TPTE2: variants seen among roughly 807,000 people sequenced by gnomAD.
TPTE2 encodes transmembrane phosphoinositide 3-phosphatase and tensin homolog 2.
Under a neutral mutation model 78.6 loss-of-function variants are expected in TPTE2, and 53 were observed. That is an observed-to-expected ratio of 0.67 (90% confidence interval 0.54 to 0.85). TPTE2 has a LOEUF of 0.85. Among genes scored for constraint, TPTE2 ranks in the 40% least tolerant of loss-of-function variants. The pLI is 0.00. For missense variants in TPTE2, 461 were observed against 623.0 expected, an observed-to-expected ratio of 0.74 and a Z score of 2.77; for synonymous variants, 175 against 206.2, an observed-to-expected ratio of 0.85 and a Z score of 1.30.
At chr13:19,460,812 C>T (rs978597392) in intron 10 of TPTE2, among the ~76,000 whole-genome samples, 28 of 152,194 alleles carry the variant, frequency 1.8e-4, no homozygotes, top group African/African-American at 6.5e-4. Context: ...AAACAATGAT[C>T]CTTTCAGCTG....
intron 1 of TPTE2, among the ~76,000 whole-genome samples, chr13:19,525,119 G>A (rs1870415390): frequency 6.6e-6 from 1 of 152,158 alleles, no homozygotes; most frequent in Admixed American, 6.5e-5. Flanking sequence ...GCTTAGGTGA[G>A]AGATGTTGAG....
At chr13:19,472,028 T>A (rs761264210) in intron 6 of TPTE2, among the ~76,000 whole-genome samples, 11 of 152,202 alleles carry the variant, frequency 7.2e-5, no homozygotes, top group Non-Finnish European at 1.2e-4. Flanking sequence ...TACTAAAGAG[T>A]CTGCTGCCAG....
At chr13:19,539,796 G>T (rs1319644272), upstream of TPTE2, among the ~76,000 whole-genome samples, 1 of 151,996 alleles carries the variant, frequency 6.6e-6, no homozygotes, top group African/African-American at 2.4e-5. Context: ...GGCTCTTCTT[G>T]GTTCTTTGTT....
At chr13:19,508,589 T>C (rs1036777848) in intron 1 of TPTE2, among the ~76,000 whole-genome samples, 14 of 152,048 alleles carry the variant, frequency 9.2e-5, no homozygotes, top group African/African-American at 3.1e-4. Flanking sequence ...TAATTTAGAG[T>C]TAGAAGGTTA....
the TPTE2 span, among the ~76,000 whole-genome samples, chr13:19,542,821 C>T: frequency 6.6e-6 from 1 of 152,020 alleles, no homozygotes; most frequent in African/African-American, 2.4e-5. Context: ...CGGTGAGACC[C>T]TGTCTCTACA....
At chr13:19,523,871 A>G (rs1458597437) in intron 1 of TPTE2, among the ~76,000 whole-genome samples, 2 of 152,234 alleles carry the variant, frequency 1.3e-5, no homozygotes, top group Non-Finnish European at 2.9e-5. Context: ...AACTAAAGTC[A>G]TCAGTCAACA....
At chr13:19,515,238 A>AT (rs1271036356) in intron 1 of TPTE2, among the ~76,000 whole-genome samples, 3 of 152,078 alleles carry the variant, frequency 2.0e-5, no homozygotes, top group East Asian at 1.9e-4. Context: ...GATCACATAC[A>AT]TTTTTTTGCT....
intron 4 of TPTE2, among the ~76,000 whole-genome samples, chr13:19,477,049 C>T (rs1230662483): frequency 3.9e-5 from 6 of 152,106 alleles, no homozygotes; most frequent in Admixed American, 3.9e-4. Context: ...AGAATGAGAT[C>T]ATGTATTTTG....
intron 1 of TPTE2, among the ~76,000 whole-genome samples, chr13:19,499,236 TCAA>T (rs1249950995): frequency 1.3e-5 from 2 of 152,026 alleles, no homozygotes; most frequent in Non-Finnish European, 2.9e-5. Context: ...ATTAGACAGA[TCAA>T]CGAGACAGAA....
At chr13:19,427,454 T>G (rs1250923136) in intron 17 of TPTE2, among the ~76,000 whole-genome samples, 1 of 152,162 alleles carries the variant, frequency 6.6e-6, no homozygotes, top group African/African-American at 2.4e-5. Context: ...ATCAATTAAA[T>G]ATTATTATTT....
intron 1 of TPTE2, among the ~76,000 whole-genome samples, chr13:19,525,730 A>G (rs1395546864): frequency 6.6e-6 from 1 of 152,198 alleles, no homozygotes; most frequent in Non-Finnish European, 1.5e-5. Context: ...ACAGCAAAAG[A>G]AACTATCAAC....
Position 19,438,080 on chromosome 13 carries a change from C to T in TPTE2, c.1035+12G>A. The T allele has an allele frequency of 6.2e-7, 1 of 1,602,630 alleles. No individual in the cohort carries two copies. Among genetic ancestry groups the T allele is most frequent in the East Asian group, 2.3e-5 (1 of 44,366 alleles). ...TCATCATAAGAGAAAGTTTGTAGAACATCTTTCATACCTCGGCAGTTAAAA... is the reference window on the plus strand; with the variant it reads ...TCATCATAAGAGAAAGTTTGTAGAATATCTTTCATACCTCGGCAGTTAAAA... On this transcript the variant is annotated intron_variant, in intron 14 of 19. Coordinates refer to ENST00000400230, the Ensembl canonical transcript of TPTE2.
intron 11 of TPTE2, 90 bp downstream of exon 14, chr13:19,451,075 T>C: frequency 6.7e-7 from 1 of 1,484,848 alleles, no homozygotes; most frequent in Non-Finnish European, 9.2e-7. Context: ...ATACTTATGA[T>C]TAAATGCAAT....
intron 1 of TPTE2, among the ~76,000 whole-genome samples, chr13:19,509,368 A>G (rs1869280272): frequency 6.6e-6 from 1 of 152,198 alleles, no homozygotes; most frequent in Admixed American, 6.5e-5. Context: ...TTACTACAAT[A>G]GACCTGTGGC....
intron 1 of TPTE2, 32 bp from the exon 5 acceptor site, chr13:19,493,533 G>A (rs747264379): frequency 1.4e-4 from 221 of 1,603,868 alleles, no homozygotes; most frequent in Non-Finnish European, 1.8e-4. Context: ...CAGTCAGAGA[G>A]GAGACATAAT....
chr13:19,551,262 T>G, the TPTE2 span, among the ~76,000 whole-genome samples: 1 of 152,138 alleles, frequency 6.6e-6, no homozygotes, highest in Non-Finnish European at 1.5e-5. Flanking sequence ...ATGTAATACA[T>G]GAAACACAGT....
At chr13:19,466,597 C>T (rs1241702925) in intron 7 of TPTE2, among the ~76,000 whole-genome samples, 1 of 152,188 alleles carries the variant, frequency 6.6e-6, no homozygotes, top group African/African-American at 2.4e-5. Context: ...TCTAACTTTG[C>T]CTAAGCTTTC....
chr13:19,556,696 T>C, the TPTE2 span, among the ~76,000 whole-genome samples: 1 of 152,154 alleles, frequency 6.6e-6, no homozygotes, highest in African/African-American at 2.4e-5. Context: ...TGGATAATTT[T>C]TTTCTATTTT....
At chr13:19,539,522 C>T (rs1871378332), upstream of TPTE2, among the ~76,000 whole-genome samples, 1 of 152,126 alleles carries the variant, frequency 6.6e-6, no homozygotes, top group Non-Finnish European at 1.5e-5. Flanking sequence ...TCCATTAAAC[C>T]TCTTTTTCTT....
Sources: allele counts gnomAD v4.1 joint callset (sites outside exome capture counted in the v4.1 genomes callset), GRCh38; gene constraint gnomAD v4.1.1; transcripts MANE v1.5; gene names NCBI Gene and HGNC (gene_info 2026-07-23, HGNC 2026-07-21).